Variants in SCAPER observed in about 807,000 individuals in gnomAD.
SCAPER encodes S-phase cyclin A associated protein in the ER, also known as S phase cyclin A-associated protein in the endoplasmic reticulum.
Under a neutral mutation model 182.2 loss-of-function variants are expected in SCAPER, and 98 were observed. The observed-to-expected ratio is 0.54, with a 90% CI of 0.46 to 0.64. SCAPER has a LOEUF of 0.64. SCAPER is among the 30% of genes least tolerant of loss of function. The pLI is 0.00. For missense variants in SCAPER, 1,432 were observed against 1,690.0 expected, an observed-to-expected ratio of 0.85 and a Z score of 2.68; for synonymous variants, 605 against 564.6, an observed-to-expected ratio of 1.07 and a Z score of -1.01.
intron 29 of SCAPER, among the ~76,000 whole-genome samples, chr15:76,364,278 T>G: frequency 6.6e-6 from 1 of 152,136 alleles, no homozygotes; most frequent in East Asian, 1.9e-4. Flanking sequence ...GTAGGCCCTT[T>G]AAGCACTAGC....
At chr15:76,470,387 T>C (rs1205620619) in intron 25 of SCAPER, among the ~76,000 whole-genome samples, 1 of 151,978 alleles carries the variant, frequency 6.6e-6, no homozygotes, top group Non-Finnish European at 1.5e-5. Context: ...CTGGGGAAGA[T>C]CTCATGAAGA....
intron 6 of SCAPER, among the ~76,000 whole-genome samples, chr15:76,804,091 T>C (rs997792632): frequency 6.6e-6 from 1 of 152,220 alleles, no homozygotes; most frequent in Non-Finnish European, 1.5e-5. Context: ...TACACTTACA[T>C]AGCTGTTTAA....
intron 26 of SCAPER, among the ~76,000 whole-genome samples, chr15:76,413,984 G>A (rs2045480458): frequency 6.6e-6 from 1 of 152,190 alleles, no homozygotes; most frequent in Admixed American, 6.5e-5. Flanking sequence ...TTCTTGATAA[G>A]TTAATATGGC....
At chr15:76,821,703 G>A (rs1260717576) in intron 5 of SCAPER, among the ~76,000 whole-genome samples, 1 of 152,066 alleles carries the variant, frequency 6.6e-6, no homozygotes. Context: ...GGCTGAGGTA[G>A]CAGGACTGCT....
chr15:76,752,360 T>A (rs2062141137), intron 15 of SCAPER, among the ~76,000 whole-genome samples: 1 of 151,774 alleles, frequency 6.6e-6, no homozygotes, highest in African/African-American at 2.4e-5. Flanking sequence ...TACTGTATGA[T>A]CCAGCCTTTC....
intron 22 of SCAPER, among the ~76,000 whole-genome samples, chr15:76,594,496 G>T (rs578040098): frequency 8.3e-6 from 1 of 120,678 alleles, no homozygotes; most frequent in African/African-American, 2.5e-5. Context: ...GATACTCCTC[G>T]AGAAGAGCAA....
chr15:76,444,278 A>G (rs1376424615), intron 25 of SCAPER, among the ~76,000 whole-genome samples: 1 of 152,174 alleles, frequency 6.6e-6, no homozygotes. Context: ...TAATGTAAAA[A>G]AGATTGCACT....
chr15:76,527,992 T>C (rs548675909), intron 23 of SCAPER, among the ~76,000 whole-genome samples: 1 of 152,366 alleles, frequency 6.6e-6, no homozygotes, highest in East Asian at 1.9e-4. Context: ...GTCTAACATT[T>C]ATCTTTGTCT....
At chr15:76,366,476 G>A (rs1435568296) in intron 29 of SCAPER, among the ~76,000 whole-genome samples, 1 of 152,052 alleles carries the variant, frequency 6.6e-6, no homozygotes, top group Non-Finnish European at 1.5e-5. Flanking sequence ...AAATCTTTTT[G>A]GAGTTTCCAG....
intron 5 of SCAPER, among the ~76,000 whole-genome samples, chr15:76,840,254 C>T (rs2069339700): frequency 6.6e-6 from 1 of 151,890 alleles, no homozygotes; most frequent in Admixed American, 6.6e-5. Flanking sequence ...CTCATCGCTA[C>T]AAAAATTTTT....
At chr15:76,717,921 G>A (rs1268184532) in intron 17 of SCAPER, among the ~76,000 whole-genome samples, 1 of 152,080 alleles carries the variant, frequency 6.6e-6, no homozygotes, top group African/African-American at 2.4e-5. Context: ...ATTGTACTTT[G>A]ACCAAATGGA....
chr15:76,454,878 A>G (rs2048615148), intron 25 of SCAPER, among the ~76,000 whole-genome samples: 1 of 152,072 alleles, frequency 6.6e-6, no homozygotes, highest in African/African-American at 2.4e-5. Context: ...GATTTTAAAT[A>G]ATTTATTTAA....
intron 21 of SCAPER, among the ~76,000 whole-genome samples, chr15:76,650,168 G>C (rs1034078938): frequency 5.3e-5 from 8 of 152,044 alleles, no homozygotes; most frequent in Non-Finnish European, 8.8e-5. Flanking sequence ...ATTTGAAACT[G>C]AGCAAACACT....
chr15:76,461,886 T>C (rs182169921), intron 25 of SCAPER, among the ~76,000 whole-genome samples: 13 of 152,322 alleles, frequency 8.5e-5, no homozygotes, highest in African/African-American at 2.9e-4. Flanking sequence ...CCATTTGACT[T>C]TGTTGGACTC....
intron 23 of SCAPER, among the ~76,000 whole-genome samples, chr15:76,561,023 T>A (rs371722861): frequency 6.6e-6 from 1 of 150,678 alleles, no homozygotes; most frequent in Non-Finnish European, 1.5e-5. Context: ...TTTCTCTCAT[T>A]TTTTTTTAGT....
At position 76,765,859 on chromosome 15, in the gene SCAPER, A is replaced by T. The variant is rs543591854; in HGVS notation, c.1420-221T>A. Among the ~76,000 whole-genome samples, 9 of 152,362 alleles carry T rather than the reference A, an allele frequency of 5.9e-5. No individual in the cohort carries two copies. In the South Asian group the frequency reaches 1.9e-3, roughly 32 times the overall value. ...AGAGCCTAGCAGCCATTAACAGCAG[A>T]GACAAATGAAGTAAATTTAAGAAAT... On this transcript the variant is annotated intron_variant, in intron 11 of 31. Coordinates refer to ENST00000563290, the MANE Select transcript of SCAPER (RefSeq NM_020843.4).
intron 25 of SCAPER, among the ~76,000 whole-genome samples, chr15:76,444,449 C>A (rs989203906): frequency 1.3e-5 from 2 of 152,056 alleles, no homozygotes; most frequent in Non-Finnish European, 2.9e-5. Flanking sequence ...CACAAGTTTT[C>A]CCTCTCTCCT....
At chr15:76,373,042 T>TTATA (rs1319156593) in intron 29 of SCAPER, among the ~76,000 whole-genome samples, 1 of 150,816 alleles carries the variant, frequency 6.6e-6, no homozygotes, top group Non-Finnish European at 1.5e-5. Context: ...TCCTTTTTCT[T>TTATA]TCTTTCTTTC....
intron 2 of SCAPER, among the ~76,000 whole-genome samples, chr15:76,878,826 G>A (rs962026745): frequency 1.3e-5 from 2 of 152,038 alleles, no homozygotes; most frequent in Non-Finnish European, 1.5e-5. Flanking sequence ...CAAAAAAGAA[G>A]TCTACTGGGT....
Sources: gnomAD v4.1 joint callset for allele counts (sites outside exome capture counted in the v4.1 genomes callset) on GRCh38, gnomAD v4.1.1 for gene constraint, MANE v1.5 for transcripts, NCBI Gene and HGNC (gene_info 2026-07-23, HGNC 2026-07-21) for gene names.